The following GABRB3 variants were observed in gnomAD, a reference collection of about 807,000 sequenced individuals.
The protein encoded by GABRB3 is gamma-aminobutyric acid type A receptor subunit beta3.
GABRB3 carries 14 observed loss-of-function variants against 52.1 expected under a neutral mutation model. The observed-to-expected ratio is 0.27, with a 90% CI of 0.18 to 0.42. The LOEUF (loss-of-function observed/expected upper bound fraction) is 0.42. Ranked by LOEUF, GABRB3 falls within the 10% of genes least tolerant of loss-of-function variation. GABRB3 has a pLI of 1.00. For synonymous variants in GABRB3, 260 were observed against 232.3 expected (o/e 1.12, Z -1.08); for missense variants, 307 against 609.1 (o/e 0.50, Z 5.22).
At chr15:26,697,977 A>C (rs184986806) in intron 3 of GABRB3, among the ~76,000 whole-genome samples, 206 of 152,338 alleles carry the variant, frequency 1.4e-3, no homozygotes, top group Non-Finnish European at 2.4e-3. Flanking sequence ...CTGGCATTTC[A>C]ACTTACCCCA....
chr15:26,685,908 G>C (rs548462840), intron 3 of GABRB3, among the ~76,000 whole-genome samples: 1 of 151,444 alleles, frequency 6.6e-6, no homozygotes, highest in Non-Finnish European at 1.5e-5. Flanking sequence ...GGGTTCAGGT[G>C]TTCCTCCCAC....
At chr15:26,703,965 C>A (rs898243735) in intron 3 of GABRB3, among the ~76,000 whole-genome samples, 1 of 152,196 alleles carries the variant, frequency 6.6e-6, no homozygotes, top group African/African-American at 2.4e-5. Context: ...ATTGATGGCT[C>A]TACATTCTGG....
intron 3 of GABRB3, among the ~76,000 whole-genome samples, chr15:26,708,608 A>G (rs144029682): frequency 1.3e-5 from 2 of 152,324 alleles, no homozygotes; most frequent in East Asian, 3.9e-4. Flanking sequence ...TCAACTCCAA[A>G]AAGAGTAGGA....
chr15:26,678,946 T>C (rs1365841640), intron 3 of GABRB3, among the ~76,000 whole-genome samples: 7 of 152,180 alleles, frequency 4.6e-5, no homozygotes, highest in Admixed American at 1.3e-4. Context: ...GAACCTCAAC[T>C]ATACAGACAG....
chr15:26,625,368 C>T (rs1163612447), intron 3 of GABRB3: 2 of 558,134 alleles, frequency 3.6e-6, no homozygotes, highest in East Asian at 1.4e-4. Flanking sequence ...TAGAAAGAAG[C>T]TTTGTAAAAG....
intron 3 of GABRB3, among the ~76,000 whole-genome samples, chr15:26,740,132 G>C (rs1890163631): frequency 6.6e-6 from 1 of 152,112 alleles, no homozygotes; most frequent in Non-Finnish European, 1.5e-5. Context: ...CAAGTGACTT[G>C]AGATCCCCCC....
At chr15:26,585,332 T>C (rs753935313) in intron 4 of GABRB3, among the ~76,000 whole-genome samples, 1 of 152,198 alleles carries the variant, frequency 6.6e-6, no homozygotes, top group Non-Finnish European at 1.5e-5. Flanking sequence ...TGTTGAGCTT[T>C]TTCTGAATGA....
intron 3 of GABRB3, among the ~76,000 whole-genome samples, chr15:26,664,504 T>C (rs1887641932): frequency 6.6e-6 from 1 of 152,126 alleles, no homozygotes; most frequent in African/African-American, 2.4e-5. Flanking sequence ...CTGTGTATGT[T>C]TCACGGTGGA....
chr15:26,588,043 G>A (rs1474735215), intron 4 of GABRB3, among the ~76,000 whole-genome samples: 1 of 152,098 alleles, frequency 6.6e-6, no homozygotes, highest in Non-Finnish European at 1.5e-5. Flanking sequence ...AGAGACAGCA[G>A]TGCTTAGGGT....
At chr15:26,731,079 T>G (rs1889899221) in intron 3 of GABRB3, among the ~76,000 whole-genome samples, 1 of 152,168 alleles carries the variant, frequency 6.6e-6, no homozygotes, top group East Asian at 1.9e-4. Context: ...GCTCTCTCTC[T>G]CTCTCTCTAT....
chr15:26,586,704 A>AAAAAT (rs558336153), intron 4 of GABRB3, among the ~76,000 whole-genome samples: 54 of 102,300 alleles, frequency 5.3e-4, no homozygotes, highest in African/African-American at 1.5e-3. Flanking sequence ...AAAAAAAAAA[A>AAAAAT]AGAGAGAGAG....
rs375465448 is a variant in GABRB3, at chr15:26,738,029, G to T, written c.240+34373C>A. Reference sequence around the variant, plus strand: ...GAGAAATTACTAGGCAAAATTTATCGACTTTTTGAAGAGTCTTCGGCTTAT... The same window carrying T: ...GAGAAATTACTAGGCAAAATTTATCTACTTTTTGAAGAGTCTTCGGCTTAT... On this transcript the variant is annotated intron_variant, in intron 3 of 8. Coordinates refer to ENST00000311550, the MANE Select transcript of GABRB3 (RefSeq NM_000814.6). Among the ~76,000 whole-genome samples, 9 of 152,176 alleles carry T rather than the reference G, an allele frequency of 5.9e-5. 1 individual carries two copies. The highest frequency in any genetic ancestry group is 4.1e-4 in the South Asian group (2 of 4,820).
At chr15:26,572,609 C>T (rs1271875715) in intron 6 of GABRB3, among the ~76,000 whole-genome samples, 1 of 152,190 alleles carries the variant, frequency 6.6e-6, no homozygotes, top group Non-Finnish European at 1.5e-5. Context: ...GATGGAATGC[C>T]ATGAAATATG....
At chr15:26,606,177 A>G (rs572459966) in intron 4 of GABRB3, among the ~76,000 whole-genome samples, 2 of 151,934 alleles carry the variant, frequency 1.3e-5, no homozygotes, top group Middle Eastern at 3.4e-3. Flanking sequence ...TCAAAACCAT[A>G]TTAGGTGGGG....
chr15:26,735,335 T>C (rs1393070407), intron 3 of GABRB3, among the ~76,000 whole-genome samples: 1 of 152,214 alleles, frequency 6.6e-6, no homozygotes, highest in Non-Finnish European at 1.5e-5. Context: ...GTGTGGCCTT[T>C]ATAAAGAAAT....
intron 3 of GABRB3, among the ~76,000 whole-genome samples, chr15:26,740,898 C>T (rs1890187341): frequency 6.6e-6 from 1 of 152,118 alleles, no homozygotes; most frequent in South Asian, 2.1e-4. Context: ...CCAACACACA[C>T]AAGCACTGCT....
intron 3 of GABRB3, among the ~76,000 whole-genome samples, chr15:26,765,115 G>C (rs1386342776): frequency 8.2e-6 from 1 of 122,030 alleles, no homozygotes; most frequent in Non-Finnish European, 1.6e-5. Context: ...GGGTGACAGA[G>C]CGAGACTCCG....
chr15:26,744,961 C>T (rs1473566146), intron 3 of GABRB3, among the ~76,000 whole-genome samples: 1 of 152,198 alleles, frequency 6.6e-6, no homozygotes, highest in Non-Finnish European at 1.5e-5. Context: ...CACAGTTCCA[C>T]AGTCTATGCA....
chr15:26,626,375 A>C (rs1237950794), intron 3 of GABRB3, among the ~76,000 whole-genome samples: 1 of 152,156 alleles, frequency 6.6e-6, no homozygotes, highest in East Asian at 1.9e-4. Context: ...ATGGCCTCTA[A>C]GGGTTTAAGT....
Sources: gnomAD v4.1 joint callset for allele counts (sites outside exome capture counted in the v4.1 genomes callset) on GRCh38, gnomAD v4.1.1 for gene constraint, MANE v1.5 for transcripts, NCBI Gene and HGNC (gene_info 2026-07-23, HGNC 2026-07-21) for gene names.